The following EYA4 variants were observed in gnomAD, a reference collection of about 807,000 sequenced individuals.
EYA4 encodes the protein protein phosphatase EYA4.
A neutral mutation model predicts 87.9 loss-of-function variants in EYA4; 31 were observed. The ratio of observed to expected loss-of-function variants is 0.35; its 90% CI spans 0.27 to 0.48. The LOEUF (loss-of-function observed/expected upper bound fraction) is 0.48. EYA4 is among the 20% of genes least tolerant of loss of function. The pLI is 0.99. For synonymous variants in EYA4, 263 were observed against 270.6 expected (o/e 0.97, Z 0.28); for missense variants, 678 against 761.4 (o/e 0.89, Z 1.29).
intron 3 of EYA4, among the ~76,000 whole-genome samples, chr6:133,427,735 T>A (rs1790797324): frequency 6.6e-6 from 1 of 151,904 alleles, no homozygotes; most frequent in African/African-American, 2.4e-5. Flanking sequence ...GAGAAAAAAA[T>A]TAGGGTAATT....
At chr6:133,247,464 A>G (rs1489045707) in intron 1 of EYA4, 1 of 152,218 alleles carries the variant, frequency 6.6e-6, no homozygotes, top group African/African-American at 2.4e-5. Context: ...ACCAACTAAT[A>G]AGGCTTGAAG....
chr6:133,468,756 T>C, intron 11 of EYA4, 25 bp downstream of exon 11: 1 of 1,610,986 alleles, frequency 6.2e-7, no homozygotes, highest in Non-Finnish European at 8.5e-7. Flanking sequence ...CCAGGTGAAA[T>C]ACTTTTATAT....
chr6:133,282,560 T>C (rs1777711241), intron 2 of EYA4, among the ~76,000 whole-genome samples: 1 of 149,600 alleles, frequency 6.7e-6, no homozygotes, highest in South Asian at 2.1e-4. Flanking sequence ...TTCTCAAATC[T>C]TAGAATATAT....
chr6:133,414,525 A>G (rs1421697347), intron 3 of EYA4, among the ~76,000 whole-genome samples: 1 of 152,170 alleles, frequency 6.6e-6, no homozygotes, highest in Non-Finnish European at 1.5e-5. Context: ...TTAACACGAG[A>G]TACAGCATTG....
chr6:133,519,264 A>G lies in EYA4; in HGVS notation c.1617-3792A>G, dbSNP rs1391541434. On this transcript the variant is annotated intron_variant, in intron 17 of 19. Coordinates refer to ENST00000355286, the MANE Select transcript of EYA4 (RefSeq NM_004100.5). ...TAGACCGCTAGCAAGACTAATAAAG[A>G]AAAAAAGAGAGAAGAATCAAATAGA... Among the ~76,000 whole-genome samples the G allele has an allele frequency of 2.4e-3, 356 of 150,932 alleles. 1 individual carries two copies. Among genetic ancestry groups the G allele is most frequent in the Non-Finnish European group, 3.7e-3 (251 of 67,108 alleles).
At chr6:133,476,258 G>A (rs1194682029) in intron 11 of EYA4, among the ~76,000 whole-genome samples, 1 of 152,036 alleles carries the variant, frequency 6.6e-6, no homozygotes, top group African/African-American at 2.4e-5. Context: ...TTTGTGGTGA[G>A]AACCCCGAAA....
intron 3 of EYA4, among the ~76,000 whole-genome samples, chr6:133,410,603 C>T (rs1789127151): frequency 1.2e-5 from 1 of 82,050 alleles, no homozygotes; most frequent in African/African-American, 2.8e-5. Flanking sequence ...AAAAAAAAAA[C>T]TTCTGTATTT....
At chr6:133,370,131 C>A (rs1400918909) in intron 2 of EYA4, among the ~76,000 whole-genome samples, 2 of 152,166 alleles carry the variant, frequency 1.3e-5, no homozygotes, top group African/African-American at 2.4e-5. Flanking sequence ...AGACTATAAA[C>A]CTCTCAGAGC....
intron 3 of EYA4, among the ~76,000 whole-genome samples, chr6:133,409,883 G>T (rs1789055526): frequency 6.6e-6 from 1 of 152,038 alleles, no homozygotes; most frequent in Non-Finnish European, 1.5e-5. Flanking sequence ...ATGATATGTT[G>T]ATTGTCTTAT....
chr6:133,298,867 G>T (rs1582885676), intron 2 of EYA4, among the ~76,000 whole-genome samples: 1 of 152,154 alleles, frequency 6.6e-6, no homozygotes, highest in East Asian at 1.9e-4. Context: ...CACCTTCATT[G>T]ACCGAATGCC....
chr6:133,258,651 C>A (rs563638167), intron 1 of EYA4, among the ~76,000 whole-genome samples: 1 of 152,036 alleles, frequency 6.6e-6, no homozygotes, highest in South Asian at 2.1e-4. Flanking sequence ...TCTTTTCTTG[C>A]AGCCCCAAGA....
At position 133,461,150 on chromosome 6, in the gene EYA4, A is replaced by G. The variant is rs751662203; in HGVS notation, c.407A>G (p.His136Arg). Residue 136 changes from histidine (H) to arginine (R), a missense_variant, in exon 7 of 20, where the codon CAT becomes CGT. Physicochemically the swap from His to Arg is conservative, Grantham distance 29. Transcript: ENST00000355286. ...AGTGGCTACAGCCCCAGATCAGCAC[A>G]TCAGTATTCCCCACAGCTGTATCCT... ...TSSGYSPRSAHQYSPQLYPSK... is the reference protein window; with the variant it reads ...TSSGYSPRSARQYSPQLYPSK... 5 of 1,613,266 alleles carry G rather than the reference A, an allele frequency of 3.1e-6. No individual in the cohort carries two copies. The African/African-American group carries it at 6.7e-5, about 22-fold the overall frequency.
At chr6:133,484,161 C>G (rs375789656) in intron 13 of EYA4, among the ~76,000 whole-genome samples, 1 of 152,154 alleles carries the variant, frequency 6.6e-6, no homozygotes, top group Non-Finnish European at 1.5e-5. Flanking sequence ...AAGTCTTAGA[C>G]TCTGTAGGGC....
chr6:133,388,516 T>C lies in EYA4; in HGVS notation c.83+6075T>C, dbSNP rs1786970873. 2.0e-5 allele frequency among the ~76,000 whole-genome samples: 3 copies of C among 152,154 alleles called. No homozygotes were observed. In the South Asian group the frequency reaches 6.2e-4, roughly 31 times the overall value. On this transcript the variant is annotated intron_variant, in intron 3 of 19. Transcript: ENST00000355286. ...CTCATTGGGAACTCCTGGTAACTTA[T>C]CTTTATTGGCCAGTGTAGCTGAGTG... is the stretch of plus-strand genomic sequence containing the variant.
At chr6:133,392,381 A>G (rs760102144) in intron 3 of EYA4, among the ~76,000 whole-genome samples, 33 of 152,164 alleles carry the variant, frequency 2.2e-4, no homozygotes, top group Admixed American at 3.9e-4. Flanking sequence ...AGCAATCAAT[A>G]ACCTAGAGCC....
At chr6:133,315,765 T>C (rs1203070588) in intron 2 of EYA4, among the ~76,000 whole-genome samples, 1 of 152,168 alleles carries the variant, frequency 6.6e-6, no homozygotes, top group Non-Finnish European at 1.5e-5. Context: ...ATGAGGTATA[T>C]GGATTCTTAT....
intron 1 of EYA4, chr6:133,246,758 A>G (rs1042877493): frequency 6.6e-5 from 10 of 152,190 alleles, no homozygotes; most frequent in African/African-American, 9.6e-5. Flanking sequence ...GCATTTACTC[A>G]GGAATTTCGT....
At chr6:133,321,476 C>T (rs1333606902) in intron 2 of EYA4, among the ~76,000 whole-genome samples, 1 of 152,074 alleles carries the variant, frequency 6.6e-6, no homozygotes, top group African/African-American at 2.4e-5. Flanking sequence ...ATGCTTTTAT[C>T]TCATGTTCTT....
At chr6:133,482,568 A>G (rs1796308790) in intron 12 of EYA4, among the ~76,000 whole-genome samples, 1 of 152,252 alleles carries the variant, frequency 6.6e-6, no homozygotes, top group African/African-American at 2.4e-5. Context: ...GGAGGCCAAC[A>G]TATCTGCTGG....
Sources: gnomAD v4.1 joint callset for allele counts (sites outside exome capture counted in the v4.1 genomes callset) on GRCh38, gnomAD v4.1.1 for gene constraint, MANE v1.5 for transcripts, NCBI Gene and HGNC (gene_info 2026-07-23, HGNC 2026-07-21) for gene names.